Variants in LMTK3 observed in about 807,000 individuals in gnomAD.
LMTK3 encodes the protein lemur tail kinase 3, also known as serine/threonine-protein kinase LMTK3.
Under a neutral mutation model 116.7 loss-of-function variants are expected in LMTK3, and 27 were observed. The ratio of observed to expected loss-of-function variants is 0.23; its 90% CI spans 0.17 to 0.32. LMTK3 has a LOEUF of 0.32. Ranked by LOEUF, LMTK3 falls within the 10% of genes least tolerant of loss-of-function variation. LMTK3 has a pLI of 1.00. For missense variants in LMTK3, 1,764 were observed against 2,068.5 expected (o/e 0.85, Z 2.86); for synonymous variants, 965 against 971.0 (o/e 0.99, Z 0.11).
chr19:48,498,934 G>A lies in LMTK3; in HGVS notation c.2135C>T (p.Ala712Val), dbSNP rs1396979797. 1.5e-6 allele frequency: 2 copies of A among 1,291,464 alleles called. No individual in the cohort carries two copies. Among genetic ancestry groups the A allele is most frequent in the East Asian group, 6.3e-5 (2 of 31,874 alleles). 80.0% of individuals were successfully genotyped at this position (1,291,464 alleles called of 1,614,324 possible). ...CAAGTCGGCCAGGGAGCCCCGCTCT[G>A]CCCGCAGCGAGGAGTCGTCCTCGGG... ...HPPEDDSSLR[A>V]ERGSLADLPM... The change falls in exon 11 of 15, where the codon GCA (alanine) becomes GTA (valine). Residue 712 changes from alanine (A) to valine (V), a missense_variant. Coordinates refer to ENST00000600059, the MANE Select transcript of LMTK3 (RefSeq NM_001388485.1).
intron 5 of LMTK3, among the ~76,000 whole-genome samples, chr19:48,505,898 T>C (rs1310976217): frequency 6.7e-6 from 1 of 149,278 alleles, no homozygotes; most frequent in Non-Finnish European, 1.5e-5. Context: ...CCGAATACTT[T>C]GGGAGGCCAA....
intron 4 of LMTK3, among the ~76,000 whole-genome samples, chr19:48,509,192 C>T (rs1041382680): frequency 3.4e-5 from 5 of 145,286 alleles, no homozygotes; most frequent in Non-Finnish European, 6.1e-5. Context: ...CGGACGGACG[C>T]GTGGAGAGCC....
intron 5 of LMTK3, among the ~76,000 whole-genome samples, chr19:48,505,092 T>C (rs986400990): frequency 1.1e-4 from 12 of 111,566 alleles, no homozygotes; most frequent in Admixed American, 9.1e-4. Context: ...TCTCTCTCTC[T>C]CTCTCTCTCT....
Position 48,491,575 on chromosome 19 carries a change from A to G in LMTK3, c.4093-36T>C. The G allele has an allele frequency of 7.6e-7, 1 of 1,318,888 alleles. No homozygotes were observed. 81.7% of individuals were successfully genotyped at this position (1,318,888 alleles called of 1,614,324 possible). ...AGATTAGGGGGAAGCCAGAGGGGAC[A>G]AACCTTCACGTCCCATTTACCGCAT... On this transcript the variant is annotated intron_variant, in intron 12 of 14. Coordinates refer to ENST00000600059, the MANE Select transcript of LMTK3 (RefSeq NM_001388485.1). The surrounding 1 kb of genome is among the most constrained non-coding windows in gnomAD (Gnocchi z 5.1).
In LMTK3 at chr19:48,506,677, T is replaced by C. The variant is rs568783077; in HGVS notation, c.557+2174A>G. Among the ~76,000 whole-genome samples, 17 of 152,244 alleles carry C rather than the reference T, an allele frequency of 1.1e-4. No individual in the cohort carries two copies. The East Asian group carries it at 3.3e-3, about 29-fold the overall frequency. On this transcript the variant is annotated intron_variant, in intron 5 of 14. Coordinates refer to ENST00000600059, the MANE Select transcript of LMTK3 (RefSeq NM_001388485.1). Reference sequence around the variant, plus strand: ...GGAAGAATCGTGTAACAAAGTGTTGTTATTGTTGTTGTTTTCTCACGCTGT... The same window carrying C: ...GGAAGAATCGTGTAACAAAGTGTTGCTATTGTTGTTGTTTTCTCACGCTGT...
chr19:48,499,232 C>T lies in LMTK3; in HGVS notation c.1837G>A (p.Glu613Lys). 1 of 1,379,704 alleles carries T rather than the reference C, an allele frequency of 7.2e-7. No homozygotes were observed. The highest frequency in any genetic ancestry group is 9.4e-7 in the Non-Finnish European group (1 of 1,062,062). The allele number at this position is 1,379,704 out of a possible 1,614,324, so 85.5% of individuals were successfully genotyped here. ...GSFLLSGWDP[E>K]GRGAGETLAG... ...AGGGTCTCCCCGGCGCCCCGGCCCT[C>T]GGGGTCCCAGCCGCTCAGCAGGAAG... The change falls in exon 11 of 15, where the codon GAG becomes AAG. Residue 613 changes from glutamate to lysine, a missense_variant. By Grantham distance (56) the Glu-to-Lys change is moderately conservative (BLOSUM62 1). Transcript: ENST00000600059.
chr19:48,504,551 C>T lies in LMTK3; in HGVS notation c.558-1555G>A, dbSNP rs564863913. Reference sequence around the variant, plus strand: ...ACATATTATTTGATTTTATTTTCACCCTGCATTCTTTTTTTTAAGACAGAG... The same window carrying T: ...ACATATTATTTGATTTTATTTTCACTCTGCATTCTTTTTTTTAAGACAGAG... On this transcript the variant is annotated intron_variant, in intron 5 of 14. Coordinates refer to ENST00000600059, the MANE Select transcript of LMTK3 (RefSeq NM_001388485.1). Among the ~76,000 whole-genome samples, 7 of 151,766 alleles carry T rather than the reference C, an allele frequency of 4.6e-5. No individual in the cohort carries two copies. In the South Asian group the frequency reaches 1.5e-3, roughly 32 times the overall value.
At chr19:48,507,979 C>A (rs551798826) in intron 5 of LMTK3, among the ~76,000 whole-genome samples, 71 of 152,124 alleles carry the variant, frequency 4.7e-4, no homozygotes, top group Admixed American at 1.0e-3. Flanking sequence ...TGAGCTGAGG[C>A]CTGAGGAAGG....
chr19:48,502,394 C>A (rs1484734909), intron 7 of LMTK3, 39 bp downstream of exon 7: 2 of 1,599,152 alleles, frequency 1.3e-6, no homozygotes, highest in Admixed American at 3.4e-5. Context: ...TTCCCCCTTC[C>A]CCTTAGTAGC....
upstream of LMTK3, chr19:48,513,455 C>T (rs1972693332): frequency 3.9e-6 from 2 of 517,014 alleles, no homozygotes; most frequent in South Asian, 4.3e-5. This position sits in a 1 kb window ranked among gnomAD's most constrained non-coding sequence, Gnocchi z 5.6. Context: ...GACACCGACA[C>T]ATCAGACAAG....
intron 14 of LMTK3, 106 bp from the exon 15 acceptor site, chr19:48,485,895 A>G: frequency 1.7e-6 from 2 of 1,143,726 alleles, no homozygotes; most frequent in Non-Finnish European, 2.5e-6. Flanking sequence ...CCATGGCCCA[A>G]AAGATCTGCT....
chr19:48,510,665 C>T (rs182586821), intron 1 of LMTK3, 73 bp from the exon 2 acceptor site: 345 of 1,454,404 alleles, frequency 2.4e-4, no homozygotes, highest in African/African-American at 1.6e-3. Flanking sequence ...CCTCCCGTCC[C>T]GGCACGTCTT....
In LMTK3 at chr19:48,500,109, A is replaced by C. The variant is rs149758967; in HGVS notation, c.1152-192T>G. On this transcript the variant is annotated intron_variant, in intron 10 of 14. Transcript: ENST00000600059. The surrounding 1 kb of genome is among the most constrained non-coding windows in gnomAD (Gnocchi z 4.0). ...CAGAGGGACAGAGATCCAGAGACAG[A>C]GGGACAGAGACCCAGAGAGAGAGGG... Among the ~76,000 whole-genome samples the C allele has an allele frequency of 0.013, 2,011 of 150,604 alleles. 32 individuals are homozygous for C. In the Middle Eastern group the frequency reaches 0.14, roughly 10 times the overall value.
In LMTK3 at chr19:48,509,987, A is replaced by C. The variant is rs1972629973; in HGVS notation, c.361+36T>G. ...TCAACATCTTCTGGCCTTTCCCGGG[A>C]CACCATGGGATGCTGGTCATGGCGT... On this transcript the variant is annotated intron_variant, in intron 3 of 14. Coordinates refer to ENST00000600059, the MANE Select transcript of LMTK3 (RefSeq NM_001388485.1). The C allele has an allele frequency of 3.7e-6, 6 of 1,607,566 alleles. No individual in the cohort carries two copies. The African/African-American group carries it at 8.0e-5, about 21-fold the overall frequency.
intron 7 of LMTK3, among the ~76,000 whole-genome samples, chr19:48,502,080 C>A (rs1335334246): frequency 1.7e-5 from 2 of 118,136 alleles, no homozygotes; most frequent in African/African-American, 6.6e-5. Flanking sequence ...CCTCCTCCCC[C>A]TCTCCTGGCT....
rs528859938 is a variant in LMTK3 at position 48,494,855 on chromosome 19, T to C, written c.3677-746A>G. 7.2e-5 allele frequency among the ~76,000 whole-genome samples: 11 copies of C among 152,290 alleles called. No individual in the cohort carries two copies. The highest frequency in any genetic ancestry group is 1.9e-4 in the African/African-American group (8 of 41,562). ...CTATTCTCTAAACATGGTGAGCCAG[T>C]GCACATCTCAGTGCCCTCTCTAGAA... On this transcript the variant is annotated intron_variant, in intron 11 of 14. Transcript: ENST00000600059. This position sits in a 1 kb window ranked among gnomAD's most constrained non-coding sequence, Gnocchi z 4.0.
At chr19:48,508,301 G>A (rs755075414) in intron 5 of LMTK3, among the ~76,000 whole-genome samples, 2 of 152,032 alleles carry the variant, frequency 1.3e-5, no homozygotes, top group Non-Finnish European at 2.9e-5. Flanking sequence ...CTGATAAGGG[G>A]TCTCTGCGAA....
intron 7 of LMTK3, 60 bp from the exon 8 acceptor site, chr19:48,501,622 C>A: frequency 6.7e-7 from 1 of 1,497,570 alleles, no homozygotes. Context: ...GCCCTGACCC[C>A]GCCCTTTCAC....
At chr19:48,489,984 C>T (rs962083116) in intron 14 of LMTK3, among the ~76,000 whole-genome samples, 1 of 151,392 alleles carries the variant, frequency 6.6e-6, no homozygotes, top group Non-Finnish European at 1.5e-5. Flanking sequence ...TGCGCTGGGA[C>T]CTGCCCGTGT....
Sources: allele counts gnomAD v4.1 joint callset (sites outside exome capture counted in the v4.1 genomes callset), GRCh38; gene constraint gnomAD v4.1.1; non-coding constraint Gnocchi (gnomAD v3.1); transcripts MANE v1.5; gene names NCBI Gene and HGNC (gene_info 2026-07-23, HGNC 2026-07-21).